Variants in TENM3 observed in about 807,000 individuals in gnomAD.
The protein encoded by TENM3 is teneurin transmembrane protein 3.
Under a neutral mutation model 255.1 loss-of-function variants are expected in TENM3, and 63 were observed. The observed-to-expected ratio is 0.25, with a 90% confidence interval of 0.20 to 0.30. The LOEUF (loss-of-function observed/expected upper bound fraction) is 0.30, where lower values mean the gene tolerates loss of function less well. TENM3 is among the 10% of genes least tolerant of loss of function. The probability of loss-of-function intolerance (pLI) is 1.00; values close to 1 mark genes in which losing one functional copy is unlikely to be tolerated. For synonymous variants in TENM3, 1,306 were observed against 1,322.3 expected (o/e 0.99, Z 0.27); for missense variants, 2,929 against 3,461.1 (o/e 0.85, Z 3.86).
the TENM3 span, among the ~76,000 whole-genome samples, chr4:181,985,518 A>G: frequency 2.9e-3 from 435 of 152,216 alleles, 4 homozygotes; most frequent in African/African-American, 9.9e-3. Flanking sequence ...ATGAAAAACC[A>G]CAGAGCCAGC....
the TENM3 span, among the ~76,000 whole-genome samples, chr4:181,768,239 A>T: frequency 3.0e-4 from 45 of 152,276 alleles, 2 homozygotes; most frequent in South Asian, 8.9e-3. Context: ...GTCTGGAGAC[A>T]TTTTTGGTTA....
chr4:182,420,063 G>C (rs987519200), intron 3 of TENM3, among the ~76,000 whole-genome samples: 4 of 151,316 alleles, frequency 2.6e-5, no homozygotes, highest in Non-Finnish European at 5.9e-5. Context: ...TATTTTTCAG[G>C]GTGAGGACAT....
At chr4:182,435,499 T>C (rs551918980) in intron 3 of TENM3, among the ~76,000 whole-genome samples, 1 of 152,256 alleles carries the variant, frequency 6.6e-6, no homozygotes, top group South Asian at 2.1e-4. Flanking sequence ...TAAGATGCTT[T>C]TTAAGAGAGG....
chr4:182,509,011 C>G (rs1265940268), intron 3 of TENM3, among the ~76,000 whole-genome samples: 2 of 152,134 alleles, frequency 1.3e-5, no homozygotes, highest in Non-Finnish European at 2.9e-5. Flanking sequence ...ATGTTTGCTT[C>G]TGATGCACAT....
At chr4:181,760,967 C>CAT in the TENM3 span, among the ~76,000 whole-genome samples, 1 of 117,684 alleles carries the variant, frequency 8.5e-6, no homozygotes, top group South Asian at 3.5e-4. Flanking sequence ...CCACCACACA[C>CAT]ATACACACAC....
chr4:181,893,103 A>C, the TENM3 span, among the ~76,000 whole-genome samples: 1 of 152,188 alleles, frequency 6.6e-6, no homozygotes, highest in East Asian at 1.9e-4. Context: ...TCATTAATAT[A>C]ATTCCGTATT....
At chr4:182,672,460 C>T (rs1005167656) in intron 6 of TENM3, among the ~76,000 whole-genome samples, 1 of 152,146 alleles carries the variant, frequency 6.6e-6, no homozygotes, top group Non-Finnish European at 1.5e-5. Context: ...CCCCAAGTAC[C>T]CCTTCTCTAT....
At chr4:182,534,385 A>G (rs1003293910) in intron 3 of TENM3, among the ~76,000 whole-genome samples, 88 of 152,334 alleles carry the variant, frequency 5.8e-4, no homozygotes, top group African/African-American at 2.1e-3. Flanking sequence ...GCAGAGGGCT[A>G]GTGCTATAAT....
intron 22 of TENM3, among the ~76,000 whole-genome samples, chr4:182,759,020 T>C (rs924854247): frequency 2.0e-5 from 3 of 152,202 alleles, no homozygotes; most frequent in Admixed American, 6.5e-5. Flanking sequence ...GAAGAAGATC[T>C]GGAATCAATA....
At chr4:181,608,121 A>G in the TENM3 span, among the ~76,000 whole-genome samples, 1 of 152,222 alleles carries the variant, frequency 6.6e-6, no homozygotes, top group Non-Finnish European at 1.5e-5. Flanking sequence ...TTTAGATTTT[A>G]CAAACTCTTG....
the TENM3 span, among the ~76,000 whole-genome samples, chr4:181,672,484 AT>A: frequency 6.6e-6 from 1 of 152,162 alleles, no homozygotes; most frequent in Non-Finnish European, 1.5e-5. Context: ...GTGAAGTGAT[AT>A]TCACTTCCCT....
chr4:181,907,175 G>A, the TENM3 span, among the ~76,000 whole-genome samples: 2 of 152,188 alleles, frequency 1.3e-5, no homozygotes, highest in African/African-American at 4.8e-5. Context: ...ATAGAAATCA[G>A]AATGCAGATA....
intron 3 of TENM3, among the ~76,000 whole-genome samples, chr4:182,537,127 C>T (rs1740410829): frequency 6.6e-6 from 1 of 152,204 alleles, no homozygotes; most frequent in Admixed American, 6.5e-5. Flanking sequence ...CTGATAATAT[C>T]TGCCATTTCT....
chr4:181,653,718 TA>T, the TENM3 span, among the ~76,000 whole-genome samples: 4 of 146,504 alleles, frequency 2.7e-5, no homozygotes, highest in Non-Finnish European at 3.0e-5. Flanking sequence ...TTTTTTTTTT[TA>T]AATTATGGGA....
At chr4:181,604,035 A>C in the TENM3 span, among the ~76,000 whole-genome samples, 2 of 152,136 alleles carry the variant, frequency 1.3e-5, no homozygotes, top group East Asian at 3.9e-4. Context: ...GAGGCCGAGG[A>C]GGGTGGATCA....
chr4:182,247,232 G>A (rs1329182881), intron 1 of TENM3, among the ~76,000 whole-genome samples: 1 of 152,166 alleles, frequency 6.6e-6, no homozygotes, highest in African/African-American at 2.4e-5. Context: ...ACATATAGAG[G>A]TGGATACCAG....
chr4:181,761,749 C>T, the TENM3 span, among the ~76,000 whole-genome samples: 4 of 152,082 alleles, frequency 2.6e-5, no homozygotes, highest in African/African-American at 4.8e-5. Flanking sequence ...AAGTACTGGG[C>T]GTATATGCTA....
chr4:182,371,849 A>C (rs1364961240), intron 3 of TENM3, among the ~76,000 whole-genome samples: 1 of 152,216 alleles, frequency 6.6e-6, no homozygotes, highest in Non-Finnish European at 1.5e-5. Flanking sequence ...ATAAATATCT[A>C]TTTGAAGTCC....
At chr4:182,241,199 T>C (rs1038223226), upstream of TENM3, among the ~76,000 whole-genome samples, 1 of 152,222 alleles carries the variant, frequency 6.6e-6, no homozygotes, top group Non-Finnish European at 1.5e-5. Flanking sequence ...TTCCCAGAGC[T>C]CAGCTTCTGG....
Sources: gnomAD v4.1 joint callset for allele counts (sites outside exome capture counted in the v4.1 genomes callset) on GRCh38, gnomAD v4.1.1 for gene constraint, MANE v1.5 for transcripts, NCBI Gene and HGNC (gene_info 2026-07-23, HGNC 2026-07-21) for gene names.